Variants in ZAR1 observed in about 807,000 individuals in gnomAD.
ZAR1 encodes the protein zygote arrest protein 1.
In ZAR1, 37 loss-of-function variants were observed where a neutral mutation model predicts 38.3. The observed-to-expected ratio is 0.97, with a 90% confidence interval of 0.74 to 1.27. ZAR1 has a LOEUF of 1.27. ZAR1 is among the 50% of genes most tolerant of loss of function. The pLI is 0.00. For missense variants in ZAR1, 651 were observed against 632.4 expected (o/e 1.03, Z -0.32); for synonymous variants, 336 against 292.0 (o/e 1.15, Z -1.53).
rs1312550232 is a variant in ZAR1, at chr4:48,494,262, T to C, written c.*18T>C. 5 of 1,613,720 alleles carry C rather than the reference T, an allele frequency of 3.1e-6. No individual in the cohort carries two copies. The Admixed American group carries it at 8.3e-5, about 27-fold the overall frequency. On this transcript the variant is annotated 3_prime_UTR_variant, in exon 4 of 4. Coordinates refer to ENST00000327939, the MANE Select transcript of ZAR1 (RefSeq NM_175619.3). The stretch of plus-strand genomic sequence containing the variant: ...TCATTTAGGTGAAAGTCAGTGTTGC[T>C]GTGCATGCGCTGATGGAGTAGACGA...
chr4:48,493,279 T>G (rs1422298397), intron 3 of ZAR1, among the ~76,000 whole-genome samples: 1 of 152,230 alleles, frequency 6.6e-6, no homozygotes, highest in Admixed American at 6.5e-5. Context: ...TACTTGCTAC[T>G]TAGTCTAATG....
rs779990446 is a variant in ZAR1 at position 48,494,292 on chromosome 4, GC to G, written c.*49del. 1 of 1,597,000 alleles carries G rather than the reference GC, an allele frequency of 6.3e-7. No individual in the cohort carries two copies. The highest frequency in any genetic ancestry group is 1.3e-5 in the African/African-American group (1 of 74,618). On this transcript the variant is annotated 3_prime_UTR_variant, in exon 4 of 4. Transcript: ENST00000327939. ...ATGCGCTGATGGAGTAGACGAGTGAGCTTTTCCGTGCCTCTCCTCCACCTCT... is the reference window on the plus strand; with the variant it reads ...ATGCGCTGATGGAGTAGACGAGTGAGTTTTCCGTGCCTCTCCTCCACCTCT...
chr4:48,495,472 C>T (rs1045039996), downstream of ZAR1, among the ~76,000 whole-genome samples: 2 of 152,166 alleles, frequency 1.3e-5, no homozygotes, highest in African/African-American at 4.8e-5. Context: ...TCAATGTGGA[C>T]AGAGATGGTG....
Position 48,490,820 on chromosome 4 carries a change from C to T in ZAR1, c.529C>T (p.Arg177Cys). ...CGCCCCGCGGCCCATGCGCTTCCCGCGCACCGTCGCCGTGTACTCGCCCCT... is the reference window on the plus strand; with the variant it reads ...CGCCCCGCGGCCCATGCGCTTCCCGTGCACCGTCGCCGTGTACTCGCCCCT... ...NGAPRPMRFP[R>C]TVAVYSPLAL... The change falls in exon 1 of 4, where the codon CGC becomes TGC. Residue 177 changes from arginine to cysteine, a missense_variant. This residue lies in a region of ZAR1 where 522 missense variants were observed against 459.9 expected (regional missense o/e 1.14). Coordinates refer to ENST00000327939, the MANE Select transcript of ZAR1 (RefSeq NM_175619.3). The T allele has an allele frequency of 6.6e-7, 1 of 1,507,776 alleles. No individual in the cohort carries two copies. The highest frequency in any genetic ancestry group is 8.8e-7 in the Non-Finnish European group (1 of 1,136,360). The allele number at this position is 1,507,776 out of a possible 1,614,324, so 93.4% of individuals were successfully genotyped here. A position where few individuals can be genotyped will look rare whatever the true frequency, so the allele number is the denominator to read the frequency against.
At chr4:48,491,349 C>A (rs1388742324) in intron 1 of ZAR1, 95 bp downstream of exon 1, 11 of 992,190 alleles carry the variant, frequency 1.1e-5, no homozygotes, top group Non-Finnish European at 1.3e-5. Context: ...CTCGGAGGTG[C>A]GGCGCTTCCC....
chr4:48,490,270 G>T lies in ZAR1; in HGVS notation c.-22G>T, dbSNP rs10938533. ...GCAAGTCGCCTATTTAGGGTGCGGCGGCGGGCGGGAGCAGTGCGCCCATGG... is the reference window on the plus strand; with the variant it reads ...GCAAGTCGCCTATTTAGGGTGCGGCTGCGGGCGGGAGCAGTGCGCCCATGG... On this transcript the variant is annotated 5_prime_UTR_variant, in exon 1 of 4. Coordinates refer to ENST00000327939, the MANE Select transcript of ZAR1 (RefSeq NM_175619.3). The T allele has an allele frequency of 0.088, 130,536 of 1,486,304 alleles. 7,387 individuals are homozygous for T. The highest frequency in any genetic ancestry group is 0.29 in the East Asian group (10,023 of 34,494). The allele number at this position is 1,486,304 out of a possible 1,614,324, so 92.1% of individuals were successfully genotyped here. A position where few individuals can be genotyped will look rare whatever the true frequency, so the allele number is the denominator to read the frequency against.
chr4:48,494,508 C>A, downstream of ZAR1: 1 of 424,962 alleles, frequency 2.4e-6, no homozygotes, highest in Non-Finnish European at 4.2e-6. Flanking sequence ...ATAGAGTGGG[C>A]CAGGCTCTGA....
In ZAR1 at chr4:48,490,939, G is replaced by A. The variant is rs543756820; in HGVS notation, c.648G>A (p.Pro216=). 6.7e-6 allele frequency: 9 copies of A among 1,341,742 alleles called. No individual in the cohort carries two copies. In the South Asian group the frequency reaches 1.3e-4, roughly 19 times the overall value. 83.1% of individuals were successfully genotyped at this position (1,341,742 alleles called of 1,614,324 possible). The change falls in exon 1 of 4, where the codon CCG becomes CCA. Residue 216 remains proline (P), a synonymous_variant. Coordinates refer to ENST00000327939, the MANE Select transcript of ZAR1 (RefSeq NM_175619.3). ...SGASDGERGP[P]PARLQGPEEG... is the part of the protein sequence containing the mutation. ...CGTCGGACGGAGAGAGGGGGCCGCC[G>A]CCCGCGCGGCTTCAAGGCCCAGAGG...
In ZAR1 at chr4:48,491,069, C is replaced by A. The variant is rs1374602729; in HGVS notation, c.778C>A (p.Pro260Thr). 1 of 1,311,792 alleles carries A rather than the reference C, an allele frequency of 7.6e-7. No homozygotes were observed. Among genetic ancestry groups the A allele is most frequent in the South Asian group, 2.2e-5 (1 of 46,168 alleles). 81.3% of individuals were successfully genotyped at this position (1,311,792 alleles called of 1,614,324 possible). A position where few individuals can be genotyped will look rare whatever the true frequency, so the allele number is the denominator to read the frequency against. Residue 260 changes from proline to threonine, a missense_variant, in exon 1 of 4, where the codon CCC becomes ACC. Pro to Thr is a conservative substitution (Grantham distance 38). Around this residue, in one of 2 missense-constraint regions of ZAR1, gnomAD observed 522 missense variants for 459.9 expected, o/e 1.14. Coordinates refer to ENST00000327939, the MANE Select transcript of ZAR1 (RefSeq NM_175619.3). ...RASWEQPADG[P>T]ELPPREAQEG... ...GAGCTGGGAGCAGCCGGCCGACGGT[C>A]CCGAGCTGCCGCCGCGAGAGGCCCA...
At position 48,490,398 on chromosome 4, in the gene ZAR1, C is replaced by T. The variant is rs1181725329; in HGVS notation, c.107C>T (p.Ala36Val). The T allele has an allele frequency of 6.7e-7, 1 of 1,493,566 alleles. No individual in the cohort carries two copies. Among genetic ancestry groups the T allele is most frequent in the Non-Finnish European group, 8.9e-7 (1 of 1,125,506 alleles). The allele number at this position is 1,493,566 out of a possible 1,614,324, so 92.5% of individuals were successfully genotyped here. A position where few individuals can be genotyped will look rare whatever the true frequency, so the allele number is the denominator to read the frequency against. The change falls in exon 1 of 4, where the codon GCG (alanine) becomes GTG (valine). Residue 36 changes from alanine (A) to valine (V), a missense_variant. By Grantham distance (64) the Ala-to-Val change is moderately conservative (BLOSUM62 0). This residue lies in a region of ZAR1 where 522 missense variants were observed against 459.9 expected (regional missense o/e 1.14). Transcript: ENST00000327939. ...GCGGCCACCAAGGGCAAGGGCGCGG[C>T]GGGCGGCAGCTGGCAGCAGCGCGGC... ...YPAATKGKGAAGGSWQQRGRG... is the reference protein window; with the variant it reads ...YPAATKGKGAVGGSWQQRGRG...
At position 48,491,074 on chromosome 4, in the gene ZAR1, G is replaced by C; in HGVS notation, c.783G>C (p.Glu261Asp). 1 of 1,309,918 alleles carries C rather than the reference G, an allele frequency of 7.6e-7. No individual in the cohort carries two copies. Among genetic ancestry groups the C allele is most frequent in the Non-Finnish European group, 9.7e-7 (1 of 1,033,798 alleles). The allele number at this position is 1,309,918 out of a possible 1,614,324, so 81.1% of individuals were successfully genotyped here. A position where few individuals can be genotyped will look rare whatever the true frequency, so the allele number is the denominator to read the frequency against. Residue 261 changes from glutamate (E) to aspartate (D), a missense_variant, in exon 1 of 4, where the codon GAG (glutamate) becomes GAC (aspartate). Glu to Asp is a conservative substitution (Grantham distance 45). This residue lies in a region of ZAR1 where 522 missense variants were observed against 459.9 expected (regional missense o/e 1.14). Coordinates refer to ENST00000327939, the MANE Select transcript of ZAR1 (RefSeq NM_175619.3). ...ASWEQPADGP[E>D]LPPREAQEGE... ...GGGAGCAGCCGGCCGACGGTCCCGAGCTGCCGCCGCGAGAGGCCCAGGAGG... is the reference window on the plus strand; with the variant it reads ...GGGAGCAGCCGGCCGACGGTCCCGACCTGCCGCCGCGAGAGGCCCAGGAGG...
Position 48,490,516 on chromosome 4 carries a change from C to T in ZAR1, c.225C>T (p.Phe75=). The part of the protein sequence containing the change: ...GCGRLTAAEY[F]DSYQRERLMA... ...GGCGGCTGACGGCCGCCGAGTACTT[C>T]GACAGCTACCAGCGGGAGCGGCTCA... The change falls in exon 1 of 4, where the codon TTC becomes TTT. Residue 75 remains phenylalanine, a synonymous_variant. Coordinates refer to ENST00000327939, the MANE Select transcript of ZAR1 (RefSeq NM_175619.3). 1.4e-6 allele frequency: 2 copies of T among 1,473,646 alleles called. No homozygotes were observed. The highest frequency in any genetic ancestry group is 2.9e-5 in the East Asian group (1 of 34,344). The allele number at this position is 1,473,646 out of a possible 1,614,324, so 91.3% of individuals were successfully genotyped here. A position where few individuals can be genotyped will look rare whatever the true frequency, so the allele number is the denominator to read the frequency against.
intron 3 of ZAR1, among the ~76,000 whole-genome samples, chr4:48,493,411 G>C (rs541706013): frequency 1.3e-5 from 2 of 151,482 alleles, no homozygotes; most frequent in African/African-American, 4.8e-5. Flanking sequence ...GGGTTAGTTT[G>C]TCTTGCCTGA....
intron 1 of ZAR1, 131 bp downstream of exon 1, chr4:48,491,385 C>G (rs1001129638): frequency 4.6e-6 from 3 of 658,430 alleles, no homozygotes; most frequent in Non-Finnish European, 2.2e-6. Context: ...TCCGTATTTC[C>G]GAGACAGCCA....
rs756954053 is a variant in ZAR1 at position 48,490,718 on chromosome 4, G to A, written c.427G>A (p.Glu143Lys). ...DPESPAGPGA[E>K]GTTGGGSFSQ... ...CGAGTCCCCGGCCGGCCCCGGGGCC[G>A]AGGGCACCACGGGTGGCGGCTCTTT... The change falls in exon 1 of 4, where the codon GAG becomes AAG. Residue 143 changes from glutamate to lysine, a missense_variant. Physicochemically the swap from Glu to Lys is moderately conservative, Grantham distance 56. Transcript: ENST00000327939. The A allele has an allele frequency of 3.7e-6, 5 of 1,346,914 alleles. No homozygotes were observed. The South Asian group carries it at 7.3e-5, about 20-fold the overall frequency. The allele number at this position is 1,346,914 out of a possible 1,614,324, so 83.4% of individuals were successfully genotyped here. A position where few individuals can be genotyped will look rare whatever the true frequency, so the allele number is the denominator to read the frequency against.
Position 48,490,774 on chromosome 4 carries a change from G to A in ZAR1, c.483G>A (p.Glu161=). 1.3e-6 allele frequency: 2 copies of A among 1,488,128 alleles called. No individual in the cohort carries two copies. 92.2% of individuals were successfully genotyped at this position (1,488,128 alleles called of 1,614,324 possible). A position where few individuals can be genotyped will look rare whatever the true frequency, so the allele number is the denominator to read the frequency against. The part of the protein sequence containing the change: ...FSQQPSRRGL[E]QGSPQNGAPR... ...AGCAGCCATCCCGTCGAGGCCTGGA[G>A]CAGGGCAGCCCCCAGAACGGCGCCC... Residue 161 remains glutamate, a synonymous_variant, in exon 1 of 4, where the codon GAG becomes GAA. Coordinates refer to ENST00000327939, the MANE Select transcript of ZAR1 (RefSeq NM_175619.3).
rs760777181 is a variant in ZAR1 at position 48,490,498 on chromosome 4, G to T, written c.207G>T (p.Leu69=). 8 of 1,470,062 alleles carry T rather than the reference G, an allele frequency of 5.4e-6. No individual in the cohort carries two copies. The highest frequency in any genetic ancestry group is 7.1e-6 in the Non-Finnish European group (8 of 1,119,818). 91.1% of individuals were successfully genotyped at this position (1,470,062 alleles called of 1,614,324 possible). ...ASLSFPGCGR[L]TAAEYFDSYQ... ...TGTCCTTCCCGGGCTGCGGGCGGCT[G>T]ACGGCCGCCGAGTACTTCGACAGCT... is the stretch of plus-strand genomic sequence containing the variant. Residue 69 remains leucine (L), a synonymous_variant, in exon 1 of 4, where the codon CTG becomes CTT. Transcript: ENST00000327939.
intron 1 of ZAR1, among the ~76,000 whole-genome samples, chr4:48,491,768 C>G (rs538550573): frequency 3.9e-5 from 6 of 152,234 alleles, no homozygotes; most frequent in Non-Finnish European, 8.8e-5. Context: ...TCCTAAAATG[C>G]CCCTTCCTAG....
chr4:48,494,016 TTGAA>T (rs1718516004), intron 3 of ZAR1, 81 bp from the exon 4 acceptor site: 1 of 1,505,310 alleles, frequency 6.6e-7, no homozygotes, highest in South Asian at 1.2e-5. Context: ...CATTAAGTAC[TTGAA>T]TGGACTAGAA....
Sources: allele counts gnomAD v4.1 joint callset (sites outside exome capture counted in the v4.1 genomes callset), GRCh38; gene constraint gnomAD v4.1.1; regional missense constraint gnomAD v4.1.1; transcripts MANE v1.5; gene names NCBI Gene and HGNC (gene_info 2026-07-23, HGNC 2026-07-21).